The following CLNK variants were observed in gnomAD, a reference collection of about 807,000 sequenced individuals.
CLNK encodes the protein cytokine dependent hematopoietic cell linker, also known as cytokine-dependent hematopoietic cell linker.
Under a neutral mutation model 68.6 loss-of-function variants are expected in CLNK, and 74 were observed. That is an observed-to-expected ratio of 1.08 (90% CI 0.89 to 1.31). The LOEUF (loss-of-function observed/expected upper bound fraction) is 1.31. CLNK is among the 50% of genes most tolerant of loss of function. The pLI is 0.00. For synonymous variants in CLNK, 198 were observed against 172.2 expected, an observed-to-expected ratio of 1.15 and a Z score of -1.17; for missense variants, 553 against 515.3, an observed-to-expected ratio of 1.07 and a Z score of -0.71.
At chr4:10,734,739 C>G in the CLNK span, among the ~76,000 whole-genome samples, 3 of 152,152 alleles carry the variant, frequency 2.0e-5, no homozygotes, top group Non-Finnish European at 2.9e-5. Context: ...GGATCTTGGT[C>G]TATTTGATGA....
At chr4:10,711,050 T>C in the CLNK span, among the ~76,000 whole-genome samples, 1 of 152,242 alleles carries the variant, frequency 6.6e-6, no homozygotes. Context: ...CAGATTGGTT[T>C]CATGCTTAAG....
chr4:10,631,862 G>T (rs1202572733), intron 2 of CLNK, among the ~76,000 whole-genome samples: 1 of 152,194 alleles, frequency 6.6e-6, no homozygotes, highest in Non-Finnish European at 1.5e-5. Flanking sequence ...TCCTTCAGAG[G>T]TCACACAGCT....
intron 2 of CLNK, chr4:10,598,806 A>G: frequency 3.5e-6 from 1 of 282,868 alleles, no homozygotes; most frequent in Non-Finnish European, 7.3e-6. Flanking sequence ...CTGACTGGTG[A>G]TTTTTTTCCT....
intron 2 of CLNK, among the ~76,000 whole-genome samples, chr4:10,612,354 T>C (rs1476929028): frequency 1.3e-5 from 2 of 152,206 alleles, no homozygotes; most frequent in Non-Finnish European, 2.9e-5. Flanking sequence ...CAAAAGACAA[T>C]GGACACATTG....
At chr4:10,512,017 C>G (rs907570036) in intron 16 of CLNK, among the ~76,000 whole-genome samples, 2 of 152,018 alleles carry the variant, frequency 1.3e-5, no homozygotes, top group Non-Finnish European at 2.9e-5. Flanking sequence ...CATAGATATG[C>G]CACAAATCAT....
chr4:10,665,089 A>C (rs1430408378), intron 2 of CLNK, among the ~76,000 whole-genome samples: 1 of 152,192 alleles, frequency 6.6e-6, no homozygotes, highest in East Asian at 1.9e-4. Flanking sequence ...GAGGTGTCAG[A>C]TAGTCAAGTG....
intron 2 of CLNK, among the ~76,000 whole-genome samples, chr4:10,612,341 C>G (rs1560241732): frequency 2.0e-5 from 3 of 152,228 alleles, no homozygotes; most frequent in Non-Finnish European, 4.4e-5. Flanking sequence ...TGAAGTCATT[C>G]CCCAAAAGAC....
the CLNK span, among the ~76,000 whole-genome samples, chr4:10,708,345 T>G: frequency 8.5e-5 from 13 of 152,342 alleles, no homozygotes; most frequent in African/African-American, 3.1e-4. Flanking sequence ...TTATGCATAT[T>G]AACTTGTTTA....
chr4:10,634,912 G>A (rs572225630), intron 2 of CLNK, among the ~76,000 whole-genome samples: 21 of 152,288 alleles, frequency 1.4e-4, no homozygotes, highest in Admixed American at 3.9e-4. Context: ...GAGAGAAAAG[G>A]CCTCTCCCCC....
Position 10,527,527 on chromosome 4 carries a change from C to T in CLNK, c.649+549G>A, listed in dbSNP as rs78358980. ...GTGATGCAGGCCCTTTGGCTCTGGA[C>T]ATAATTCATCATTCTAGAAGAATGG... On this transcript the variant is annotated intron_variant, in intron 13 of 18. Transcript: ENST00000226951. Among the ~76,000 whole-genome samples the T allele has an allele frequency of 7.6e-3, 1,150 of 152,286 alleles. 10 individuals are homozygous for T. The highest frequency in any genetic ancestry group is 0.037 in the Middle Eastern group (11 of 294).
chr4:10,705,078 A>G, the CLNK span, among the ~76,000 whole-genome samples: 1 of 152,224 alleles, frequency 6.6e-6, no homozygotes, highest in African/African-American at 2.4e-5. Flanking sequence ...AGGCAACAGT[A>G]AAGAACTAGA....
chr4:10,512,451 G>A (rs6838381), intron 16 of CLNK, among the ~76,000 whole-genome samples: 51,783 of 151,554 alleles, frequency 0.34, 8,928 homozygotes, highest in African/African-American at 0.41. Flanking sequence ...AGCTGGTCTC[G>A]AACTCCTGAC....
At chr4:10,656,145 T>A (rs1577200605) in intron 2 of CLNK, among the ~76,000 whole-genome samples, 1 of 152,018 alleles carries the variant, frequency 6.6e-6, no homozygotes, top group South Asian at 2.1e-4. Flanking sequence ...CATGTTAAGT[T>A]TCTTTAAACA....
the CLNK span, among the ~76,000 whole-genome samples, chr4:10,728,505 A>G: frequency 6.6e-6 from 1 of 151,914 alleles, no homozygotes; most frequent in Non-Finnish European, 1.5e-5. Context: ...CCCCTTGGTC[A>G]ACAGGTACCT....
chr4:10,688,794 A>G (rs146287349), upstream of CLNK, among the ~76,000 whole-genome samples: 306 of 152,320 alleles, frequency 2.0e-3, 1 homozygote, highest in African/African-American at 7.2e-3. Context: ...AGCTTCGGCT[A>G]TGCATTTAGT....
At chr4:10,729,251 A>T in the CLNK span, among the ~76,000 whole-genome samples, 21 of 152,188 alleles carry the variant, frequency 1.4e-4, no homozygotes, top group Non-Finnish European at 2.8e-4. Context: ...TATTACTAAA[A>T]AGTCAAAAAA....
intron 2 of CLNK, among the ~76,000 whole-genome samples, chr4:10,605,632 A>C (rs1338044423): frequency 6.6e-6 from 1 of 152,076 alleles, no homozygotes; most frequent in Non-Finnish European, 1.5e-5. Context: ...GATCGAGACC[A>C]TCCTGCCCAA....
At position 10,540,015 on chromosome 4, in the gene CLNK, C is replaced by T. The variant is rs551899368; in HGVS notation, c.602+479G>A. Among the ~76,000 whole-genome samples, 208 of 152,302 alleles carry T rather than the reference C, an allele frequency of 1.4e-3. 2 individuals carry two copies. The highest frequency in any genetic ancestry group is 4.7e-3 in the African/African-American group (197 of 41,574). ...AAACACAGGTTTCTAGAATTATTTT[C>T]TTCTAGGTATAACTGGTTAGGCTTT... On this transcript the variant is annotated intron_variant, in intron 11 of 18. Coordinates refer to ENST00000226951, the MANE Select transcript of CLNK (RefSeq NM_052964.4).
chr4:10,615,269 C>A (rs555728220), intron 2 of CLNK, among the ~76,000 whole-genome samples: 1 of 152,234 alleles, frequency 6.6e-6, no homozygotes, highest in East Asian at 1.9e-4. Flanking sequence ...CACCTGAGGC[C>A]AGGAGTTCGA....
Sources: allele counts gnomAD v4.1 joint callset (sites outside exome capture counted in the v4.1 genomes callset), GRCh38; gene constraint gnomAD v4.1.1; transcripts MANE v1.5; gene names NCBI Gene and HGNC (gene_info 2026-07-23, HGNC 2026-07-21).